Variants in GABRR1 observed in about 807,000 individuals in gnomAD.
GABRR1 encodes gamma-aminobutyric acid type A receptor subunit rho1, also known as gamma-aminobutyric acid receptor subunit rho-1.
In GABRR1, 59 loss-of-function variants were observed where a neutral mutation model predicts 55.5. The ratio of observed to expected loss-of-function variants is 1.06; its 90% CI spans 0.86 to 1.32. The LOEUF (loss-of-function observed/expected upper bound fraction) is 1.32. GABRR1 is among the 40% of genes most tolerant of loss of function. The pLI is 0.00. For synonymous variants in GABRR1, 213 were observed against 226.0 expected, an observed-to-expected ratio of 0.94 and a Z score of 0.51; for missense variants, 602 against 619.1, an observed-to-expected ratio of 0.97 and a Z score of 0.29.
At position 89,177,942 on chromosome 6, in the gene GABRR1, TA is replaced by T. The variant is rs1333864456; in HGVS notation, c.*827del. On this transcript the variant is annotated 3_prime_UTR_variant, in exon 10 of 10. Coordinates refer to ENST00000454853, the MANE Select transcript of GABRR1 (RefSeq NM_002042.5). ...CTCTACCCAAGTTCCTCAGTGAAGA[TA>T]TCACATCACTGAGAAAGCACTTCTC... 2.6e-5 allele frequency: 4 copies of T among 152,190 alleles called. No homozygotes were observed. The highest frequency in any genetic ancestry group is 5.9e-5 in the Non-Finnish European group (4 of 68,042). 9.4% of individuals were successfully genotyped at this position (152,190 alleles called of 1,614,324 possible). A position where few individuals can be genotyped will look rare whatever the true frequency, so the allele number is the denominator to read the frequency against.
chr6:89,211,446 C>T (rs980270660), intron 1 of GABRR1, among the ~76,000 whole-genome samples: 12 of 152,096 alleles, frequency 7.9e-5, no homozygotes, highest in Admixed American at 2.6e-4. Context: ...TAAATACTGT[C>T]TATATTCACT....
At chr6:89,207,701 TA>T (rs1217114094) in intron 1 of GABRR1, among the ~76,000 whole-genome samples, 1 of 152,162 alleles carries the variant, frequency 6.6e-6, no homozygotes, top group Non-Finnish European at 1.5e-5. Flanking sequence ...CCGAGGAGCT[TA>T]AAAAATCCCA....
At chr6:89,213,131 A>G (rs936155028) in intron 1 of GABRR1, among the ~76,000 whole-genome samples, 4 of 152,224 alleles carry the variant, frequency 2.6e-5, no homozygotes, top group Non-Finnish European at 5.9e-5. Context: ...AGAGTGAGGC[A>G]GGTAAGGTGC....
rs370866905 is a variant in GABRR1 at position 89,185,381 on chromosome 6, C to A, written c.725G>T (p.Arg242Leu). 2 of 1,613,746 alleles carry A rather than the reference C, an allele frequency of 1.2e-6. No homozygotes were observed. Among genetic ancestry groups the A allele is most frequent in the Non-Finnish European group, 8.5e-7 (1 of 1,179,750 alleles). The change falls in exon 7 of 10, where the codon CGG (arginine) becomes CTG (leucine). Residue 242 changes from arginine to leucine, a missense_variant. Physicochemically the swap from Arg to Leu is moderately radical, Grantham distance 102. This residue lies in a region of GABRR1 where 435 missense variants were observed against 424.2 expected (regional missense o/e 1.03). Coordinates refer to ENST00000454853, the MANE Select transcript of GABRR1 (RefSeq NM_002042.5). ...KGNDSLKTDE[R>L]ISLSQFLIQE... ...AATGAGGAACTGGGAGAGTGAGATCCGTTCATCTGTCTTTAAGGAGTCATT... is the reference window on the plus strand; with the variant it reads ...AATGAGGAACTGGGAGAGTGAGATCAGTTCATCTGTCTTTAAGGAGTCATT...
intron 1 of GABRR1, among the ~76,000 whole-genome samples, chr6:89,223,169 C>A (rs185937661): frequency 2.8e-4 from 43 of 152,086 alleles, no homozygotes; most frequent in African/African-American, 1.0e-3. Context: ...ATATACTGAA[C>A]CCATTTTGTA....
chr6:89,203,688 C>A (rs1330293134), intron 1 of GABRR1, among the ~76,000 whole-genome samples: 2 of 152,182 alleles, frequency 1.3e-5, no homozygotes, highest in Admixed American at 6.5e-5. Context: ...CTGGAGGGTT[C>A]ATTACTAAGA....
At chr6:89,223,136 G>A (rs540571507) in intron 1 of GABRR1, among the ~76,000 whole-genome samples, 5 of 151,686 alleles carry the variant, frequency 3.3e-5, no homozygotes, top group East Asian at 1.9e-4. Flanking sequence ...GTGGGATTTC[G>A]GTGCACCCAT....
At chr6:89,222,867 C>A (rs960536617) in intron 1 of GABRR1, among the ~76,000 whole-genome samples, 5 of 152,106 alleles carry the variant, frequency 3.3e-5, no homozygotes, top group Non-Finnish European at 1.5e-5. Context: ...CTGAACACAC[C>A]CAGCCCAGCG....
At chr6:89,201,708 G>C (rs1772478260) in intron 2 of GABRR1, among the ~76,000 whole-genome samples, 1 of 151,872 alleles carries the variant, frequency 6.6e-6, no homozygotes, top group African/African-American at 2.4e-5. Flanking sequence ...GAACCCAGGA[G>C]GCAGAGCTTG....
intron 6 of GABRR1, among the ~76,000 whole-genome samples, chr6:89,186,477 T>G (rs1771905432): frequency 6.6e-6 from 1 of 152,200 alleles, no homozygotes; most frequent in Admixed American, 6.5e-5. Flanking sequence ...CCTGCACTCC[T>G]GATGGCCCGC....
At position 89,217,296 on chromosome 6, in the gene GABRR1, A is replaced by G. The variant is rs145882788; in HGVS notation, c.27T>C (p.Phe9=). 5.7e-4 allele frequency: 928 copies of G among 1,614,182 alleles called. 2 individuals are homozygous for G. The highest frequency in any genetic ancestry group is 7.1e-4 in the Non-Finnish European group (841 of 1,180,026). Residue 9 remains phenylalanine, a synonymous_variant, in exon 1 of 10, where the codon TTT becomes TTC. Coordinates refer to ENST00000454853, the MANE Select transcript of GABRR1 (RefSeq NM_002042.5). ...ATCCCCACCACAAAAGAAAGATGCC[A>G]AATCTCATATTTGGGACAGCCAACA... MLAVPNMR[F]GIFLLWWGWV... is the part of the protein sequence containing the mutation.
At chr6:89,205,342 T>C (rs1772609437) in intron 1 of GABRR1, 1 of 152,236 alleles carries the variant, frequency 6.6e-6, no homozygotes, top group South Asian at 2.1e-4. Flanking sequence ...CGTCTCCTCA[T>C]ATAGAAGTTA....
upstream of GABRR1, among the ~76,000 whole-genome samples, chr6:89,221,928 T>C (rs1356087756): frequency 2.0e-5 from 3 of 152,184 alleles, no homozygotes; most frequent in Admixed American, 2.0e-4. Context: ...ATAAAAAGAA[T>C]AGCATTTCTT....
chr6:89,219,205 G>T (rs932955043), upstream of GABRR1, among the ~76,000 whole-genome samples: 3 of 152,162 alleles, frequency 2.0e-5, no homozygotes, highest in Non-Finnish European at 4.4e-5. Flanking sequence ...GGTGGAAGTT[G>T]TAGTGAGCCG....
chr6:89,208,843 C>T (rs4707529), intron 1 of GABRR1, among the ~76,000 whole-genome samples: 125,003 of 152,246 alleles, frequency 0.82, 52,258 homozygotes, highest in African/African-American at 0.91. Context: ...CTCCTTGACC[C>T]CTGAGGCCTG....
At chr6:89,205,075 C>G (rs1562306178) in intron 1 of GABRR1, among the ~76,000 whole-genome samples, 2 of 152,314 alleles carry the variant, frequency 1.3e-5, no homozygotes, top group East Asian at 3.9e-4. Flanking sequence ...AGTTACCATG[C>G]TAACTCCTGT....
intron 7 of GABRR1, among the ~76,000 whole-genome samples, chr6:89,184,242 C>T (rs1247114551): frequency 2.9e-5 from 4 of 136,962 alleles, no homozygotes; most frequent in East Asian, 2.1e-4. Context: ...AGTGAGACTC[C>T]GTCTCAAAAA....
At chr6:89,192,429 C>T (rs771655060) in intron 5 of GABRR1, among the ~76,000 whole-genome samples, 1 of 152,184 alleles carries the variant, frequency 6.6e-6, no homozygotes, top group Non-Finnish European at 1.5e-5. Context: ...CAGGCACACA[C>T]ACACCAAGCT....
chr6:89,213,805 T>A (rs1772900050), intron 1 of GABRR1, among the ~76,000 whole-genome samples: 1 of 129,742 alleles, frequency 7.7e-6, no homozygotes, highest in South Asian at 2.6e-4. Context: ...GTTAACAAGG[T>A]TACTTCTGGG....
Sources: gnomAD v4.1 joint callset for allele counts (sites outside exome capture counted in the v4.1 genomes callset) on GRCh38, gnomAD v4.1.1 for gene constraint, gnomAD v4.1.1 regional missense constraint, MANE v1.5 for transcripts, NCBI Gene and HGNC (gene_info 2026-07-23, HGNC 2026-07-21) for gene names.